Variants in SEC16B observed in about 807,000 individuals in gnomAD.
SEC16B encodes SEC16 homolog B, endoplasmic reticulum export factor, also known as protein transport protein Sec16B.
Under a neutral mutation model 141.8 loss-of-function variants are expected in SEC16B, and 115 were observed. The ratio of observed to expected loss-of-function variants is 0.81; its 90% CI spans 0.70 to 0.95. The LOEUF (loss-of-function observed/expected upper bound fraction) is 0.95. SEC16B is among the 40% of genes least tolerant of loss of function. The pLI is 0.00. For synonymous variants in SEC16B, 493 were observed against 492.5 expected (o/e 1.00, Z -0.01); for missense variants, 1,291 against 1,312.3 (o/e 0.98, Z 0.25).
At chr1:177,947,776 A>AG in intron 13 of SEC16B, 49 bp downstream of exon 13, 9 of 976,398 alleles carry the variant, frequency 9.2e-6, no homozygotes, top group South Asian at 2.8e-5. Flanking sequence ...AGGGGAGGGG[A>AG]GGGAAGGGAC....
rs375284316 is a variant in SEC16B, at chr1:177,967,799, C to T, written c.183G>A (p.Glu61=). ...DNRGSPQPQQ[E]PRADHQQQPH... The stretch of plus-strand genomic sequence containing the variant: ...GCTGCTGCTGATGGTCTGCCCTGGG[C>T]TCCTGCTGTGGCTGGGGGCTCCCAC... Residue 61 remains glutamate (E), a synonymous_variant, in exon 2 of 26, where the codon GAG becomes GAA. Coordinates refer to ENST00000308284, the MANE Select transcript of SEC16B (RefSeq NM_033127.4). 38 of 1,614,024 alleles carry T rather than the reference C, an allele frequency of 2.4e-5. No homozygotes were observed. The highest frequency in any genetic ancestry group is 1.6e-4 in the Middle Eastern group (1 of 6,062).
chr1:177,944,736 T>C (rs976308126), intron 14 of SEC16B, 70 bp from the exon 15 acceptor site: 22 of 1,243,440 alleles, frequency 1.8e-5, no homozygotes, highest in African/African-American at 1.6e-4. Flanking sequence ...CTAGTGGCTC[T>C]CCAAACACCA....
chr1:177,974,960 A>G (rs1654111414), upstream of SEC16B, among the ~76,000 whole-genome samples: 1 of 152,226 alleles, frequency 6.6e-6, no homozygotes, highest in South Asian at 2.1e-4. Flanking sequence ...TCAGGGAAAA[A>G]GAGGTGAAGA....
chr1:177,958,312 C>G lies in SEC16B; in HGVS notation c.1185G>C (p.Lys395Asn), dbSNP rs1378504429. The stretch of plus-strand genomic sequence containing the variant: ...GGGGCTGCCGCTTGTACTTCTCCAG[C>G]TTCTTGCAGTCTTGCATTAGCAGCT... ...IAELLMQDCKKLEKYKRQPPV... is the reference protein window; with the variant it reads ...IAELLMQDCKNLEKYKRQPPV... Residue 395 changes from lysine (K) to asparagine (N), a missense_variant, in exon 10 of 26, where the codon AAG becomes AAC. Lys to Asn is a moderately conservative substitution (Grantham distance 94). Around this residue, in one of 3 missense-constraint regions of SEC16B, gnomAD observed 681 missense variants for 675.5 expected, o/e 1.01. Coordinates refer to ENST00000308284, the MANE Select transcript of SEC16B (RefSeq NM_033127.4). 6.2e-7 allele frequency: 1 copy of G among 1,609,370 alleles called. No individual in the cohort carries two copies. The highest frequency in any genetic ancestry group is 8.5e-7 in the Non-Finnish European group (1 of 1,177,832).
chr1:177,969,694 G>A (rs889553742), intron 1 of SEC16B, among the ~76,000 whole-genome samples, 190 bp downstream of exon 1: 1 of 152,104 alleles, frequency 6.6e-6, no homozygotes, highest in Non-Finnish European at 1.5e-5. Flanking sequence ...CTCAGATTAA[G>A]GACACCAAAT....
Position 177,937,494 on chromosome 1 carries a change from G to C in SEC16B, c.2223C>G (p.Asp741Glu). 3 of 1,558,054 alleles carry C rather than the reference G, an allele frequency of 1.9e-6. No homozygotes were observed. Among genetic ancestry groups the C allele is most frequent in the Non-Finnish European group, 2.6e-6 (3 of 1,153,508 alleles). ...CAGAGTAGCCTTGACATCCAGAAAA[G>C]TCCTGGTAGAAAGTGTTTTCTAAGG... The part of the protein sequence containing the change: ...GTTTENTFYQ[D>E]FSGCQGYSEA... Residue 741 changes from aspartate to glutamate, a missense_variant, in exon 19 of 26, where the codon GAC becomes GAG. Transcript: ENST00000308284.
At chr1:177,980,860 A>G (rs1654380640) in intron 1 of SEC16B, among the ~76,000 whole-genome samples, 2 of 152,096 alleles carry the variant, frequency 1.3e-5, no homozygotes, top group African/African-American at 4.8e-5. Context: ...GAGAGAAAGG[A>G]GAGCAAGAGA....
Position 177,937,458 on chromosome 1 carries a change from C to T in SEC16B, c.2259G>A (p.Gly753=), listed in dbSNP as rs1182486653. Residue 753 remains glycine, a synonymous_variant, in exon 19 of 26, where the codon GGG becomes GGA. Transcript: ENST00000308284. ...SGCQGYSEAP[G]YRSALWLTPE... ...GTGTCAGCCACAGAGCTGAGCGGTA[C>T]CCAGGGGCTTCAGAGTAGCCTTGAC... 6.3e-7 allele frequency: 1 copy of T among 1,597,424 alleles called. No individual in the cohort carries two copies. The highest frequency in any genetic ancestry group is 2.2e-5 in the East Asian group (1 of 44,464).
At chr1:177,982,943 C>G (rs1197087834) in intron 1 of SEC16B, among the ~76,000 whole-genome samples, 2 of 152,182 alleles carry the variant, frequency 1.3e-5, no homozygotes, top group Non-Finnish European at 2.9e-5. Flanking sequence ...TTTAAGACAT[C>G]TTTCTCAAAA....
intron 1 of SEC16B, among the ~76,000 whole-genome samples, chr1:177,983,867 T>C (rs1158168764): frequency 6.6e-6 from 1 of 152,216 alleles, no homozygotes; most frequent in African/African-American, 2.4e-5. Flanking sequence ...CCTAAAGTTT[T>C]TTAGTAAGTT....
At chr1:177,952,965 C>A (rs1243951012) in intron 11 of SEC16B, among the ~76,000 whole-genome samples, 4 of 151,590 alleles carry the variant, frequency 2.6e-5, no homozygotes, top group Non-Finnish European at 5.9e-5. Context: ...AGTGGTGCAG[C>A]CATTAGGCCC....
At chr1:177,959,097 A>G (rs1419889956) in intron 8 of SEC16B, 122 bp from the exon 9 acceptor site, 1 of 1,029,592 alleles carries the variant, frequency 9.7e-7, no homozygotes, top group Admixed American at 2.0e-5. Context: ...AAATCTGACA[A>G]GCCAGGGCTA....
intron 18 of SEC16B, among the ~76,000 whole-genome samples, chr1:177,938,978 G>T (rs1249513363): frequency 1.3e-5 from 2 of 152,218 alleles, no homozygotes; most frequent in East Asian, 1.9e-4. Flanking sequence ...CAGGAGGCAG[G>T]GCTGTGGGGA....
chr1:177,960,460 C>T (rs1303849383), intron 7 of SEC16B, 57 bp from the exon 8 acceptor site: 1 of 1,237,334 alleles, frequency 8.1e-7, no homozygotes, highest in African/African-American at 1.5e-5. Context: ...AGGCCCCTTT[C>T]AGTCAAGTCT....
intron 1 of SEC16B, among the ~76,000 whole-genome samples, chr1:177,976,542 A>G (rs770750898): frequency 6.6e-6 from 1 of 152,178 alleles, no homozygotes; most frequent in Non-Finnish European, 1.5e-5. Flanking sequence ...CAGTCCTACT[A>G]TGCTGGTTGT....
rs1235926364 is a variant in SEC16B, at chr1:177,938,051, C to T, written c.2204-538G>A. On this transcript the variant is annotated intron_variant, in intron 18 of 25. Transcript: ENST00000308284. ...ACCTTAAGAAAAAACTGCGTTCTCA[C>T]GGCCACAAGGTTTTTTTTCTCTGGC... Among the ~76,000 whole-genome samples the T allele has an allele frequency of 7.2e-5, 11 of 152,334 alleles. No individual in the cohort carries two copies. In the East Asian group the frequency reaches 1.7e-3, roughly 24 times the overall value.
At chr1:177,950,180 G>C (rs907951078) in intron 12 of SEC16B, among the ~76,000 whole-genome samples, 1 of 151,774 alleles carries the variant, frequency 6.6e-6, no homozygotes, top group Non-Finnish European at 1.5e-5. Context: ...GTGTGAGGTC[G>C]ATTTTTATTT....
rs2101918913 is a variant in SEC16B at position 177,940,711 on chromosome 1, C to T, written c.2026G>A (p.Ala676Thr). The change falls in exon 17 of 26, where the codon GCA becomes ACA. Residue 676 changes from alanine to threonine, a missense_variant. This residue lies in a region of SEC16B where 605 missense variants were observed against 614.1 expected (regional missense o/e 0.99). Transcript: ENST00000308284. ...GGATCTGACAGCTTCAGTTTCTCTG[C>T]TAGCTGTGCCAGGTTTCCAGATGGG... Reference protein sequence around the residue: ...PVLLVELIKLAEKLKLSDPLV... With the variant: ...PVLLVELIKLTEKLKLSDPLV... 2 of 1,612,232 alleles carry T rather than the reference C, an allele frequency of 1.2e-6. No homozygotes were observed. Among genetic ancestry groups the T allele is most frequent in the Middle Eastern group, 3.3e-4 (2 of 6,058 alleles).
chr1:177,962,745 CTAAA>C, intron 5 of SEC16B, among the ~76,000 whole-genome samples: 1 of 151,752 alleles, frequency 6.6e-6, no homozygotes, highest in East Asian at 2.0e-4. Context: ...CACTCTGTCT[CTAAA>C]TAAATAAATA....
Sources: gnomAD v4.1 joint callset for allele counts (sites outside exome capture counted in the v4.1 genomes callset) on GRCh38, gnomAD v4.1.1 for gene constraint, gnomAD v4.1.1 regional missense constraint, MANE v1.5 for transcripts, NCBI Gene and HGNC (gene_info 2026-07-23, HGNC 2026-07-21) for gene names.